Variants in NSUN3 observed in about 807,000 individuals in gnomAD.
The protein encoded by NSUN3 is NOP2/Sun RNA methyltransferase 3.
NSUN3 carries 24 observed loss-of-function variants against 36.8 expected under a neutral mutation model. The observed-to-expected ratio is 0.65, with a 90% CI of 0.47 to 0.92. NSUN3 has a LOEUF of 0.92. NSUN3 is among the 40% of genes least tolerant of loss of function. The probability of loss-of-function intolerance (pLI) is 0.00; values close to 1 mark genes in which losing one functional copy is unlikely to be tolerated. For missense variants in NSUN3, 381 were observed against 392.8 expected (o/e 0.97, Z 0.25); for synonymous variants, 146 against 145.2 (o/e 1.01, Z -0.04).
At chr3:94,110,632 G>C (rs1267595376) in intron 5 of NSUN3, among the ~76,000 whole-genome samples, 1 of 151,688 alleles carries the variant, frequency 6.6e-6, no homozygotes, top group Admixed American at 6.6e-5. Context: ...TCTCTTCCAC[G>C]ATATCATAAA....
intron 2 of NSUN3, chr3:94,076,610 CT>C (rs985549876): frequency 1.1e-6 from 1 of 910,502 alleles, no homozygotes; most frequent in African/African-American, 1.6e-5. Context: ...TAAGTGCCCA[CT>C]GAGATTTGGC....
At chr3:94,113,238 C>A (rs528555221) in intron 5 of NSUN3, among the ~76,000 whole-genome samples, 1 of 152,198 alleles carries the variant, frequency 6.6e-6, no homozygotes, top group South Asian at 2.1e-4. Flanking sequence ...GTTGACATAG[C>A]CCTTACGTAA....
intron 2 of NSUN3, among the ~76,000 whole-genome samples, chr3:94,071,002 A>C (rs992344374): frequency 1.3e-5 from 2 of 152,234 alleles, no homozygotes; most frequent in Non-Finnish European, 2.9e-5. Flanking sequence ...TTTAATTCTC[A>C]TCCACTTATT....
At chr3:94,109,515 G>A (rs906838509) in intron 5 of NSUN3, among the ~76,000 whole-genome samples, 2 of 152,202 alleles carry the variant, frequency 1.3e-5, no homozygotes, top group Non-Finnish European at 2.9e-5. Context: ...GGCTTTAAGT[G>A]AGCAGGGCTG....
rs1350301375 is a variant in NSUN3, at chr3:94,084,357, T to A, written c.373T>A (p.Leu125Met). The A allele has an allele frequency of 7.4e-6, 12 of 1,614,126 alleles. No homozygotes were observed. Among genetic ancestry groups the A allele is most frequent in the Non-Finnish European group, 1.0e-5 (12 of 1,179,972 alleles). ...AAATGCTGCTTCTCTTCTCCCAGTG[T>A]TGGCTCTGGAATTAAGGGATGGGGA... Reference protein sequence around the residue: ...LLNAASLLPVLALELRDGEKV... With the variant: ...LLNAASLLPVMALELRDGEKV... The change falls in exon 3 of 6, where the codon TTG becomes ATG. Residue 125 changes from leucine (L) to methionine (M), a missense_variant. Coordinates refer to ENST00000314622, the MANE Select transcript of NSUN3 (RefSeq NM_022072.5).
chr3:94,066,915 C>T (rs1269742875), intron 2 of NSUN3, among the ~76,000 whole-genome samples: 2 of 152,092 alleles, frequency 1.3e-5, no homozygotes, highest in African/African-American at 4.8e-5. Flanking sequence ...AAAAATGAAC[C>T]TTATATAAAA....
At chr3:94,075,478 C>T (rs757103005) in intron 2 of NSUN3, among the ~76,000 whole-genome samples, 31 of 152,136 alleles carry the variant, frequency 2.0e-4, no homozygotes, top group Non-Finnish European at 1.8e-4. Flanking sequence ...CTTGAATCTT[C>T]CCTATTTCCT....
At chr3:94,079,871 A>T (rs188527941) in intron 2 of NSUN3, among the ~76,000 whole-genome samples, 23 of 152,158 alleles carry the variant, frequency 1.5e-4, no homozygotes, top group African/African-American at 4.8e-4. Flanking sequence ...TTGGGTTAGA[A>T]TATGCTCCTT....
chr3:94,130,737 A>C lies in NSUN3; in HGVS notation c.*4247A>C, dbSNP rs2077506065. On this transcript the variant is annotated 3_prime_UTR_variant, in exon 6 of 6. Coordinates refer to ENST00000314622, the MANE Select transcript of NSUN3 (RefSeq NM_022072.5). ...CAGCTCACAGGCTTTCAGTTTGGCCACAGCTGAATGATTGAGAATTACCAG... is the reference window on the plus strand; with the variant it reads ...CAGCTCACAGGCTTTCAGTTTGGCCCCAGCTGAATGATTGAGAATTACCAG... Among the ~76,000 whole-genome samples, 1 of 152,120 alleles carries C rather than the reference A, an allele frequency of 6.6e-6. No homozygotes were observed. Among genetic ancestry groups the C allele is most frequent in the African/African-American group, 2.4e-5 (1 of 41,422 alleles).
At chr3:94,076,922 A>G (rs1378776448) in intron 2 of NSUN3, 1 of 1,186,690 alleles carries the variant, frequency 8.4e-7, no homozygotes, top group African/African-American at 1.5e-5. Context: ...AGGGAGTTGC[A>G]CACTGGCTAT....
chr3:94,122,751 C>T (rs530642961), intron 5 of NSUN3, among the ~76,000 whole-genome samples: 3 of 152,234 alleles, frequency 2.0e-5, no homozygotes, highest in African/African-American at 7.2e-5. Flanking sequence ...CTTACACGCC[C>T]ACCCTGCCTT....
intron 5 of NSUN3, among the ~76,000 whole-genome samples, chr3:94,104,142 A>G (rs925857611): frequency 2.0e-5 from 3 of 152,188 alleles, no homozygotes; most frequent in Admixed American, 6.5e-5. Context: ...TATCAACTTC[A>G]TAAGGTATGT....
chr3:94,107,484 T>C (rs989786049), intron 5 of NSUN3, among the ~76,000 whole-genome samples: 1 of 149,882 alleles, frequency 6.7e-6, no homozygotes, highest in Non-Finnish European at 1.5e-5. Context: ...CAGGGGTCTC[T>C]CTATGTTACC....
intron 2 of NSUN3, chr3:94,076,105 T>C: frequency 1.4e-6 from 2 of 1,450,010 alleles, no homozygotes; most frequent in Non-Finnish European, 1.9e-6. Context: ...GTGACCCGTC[T>C]TCTGCATCTT....
intron 2 of NSUN3, among the ~76,000 whole-genome samples, chr3:94,073,440 TTCTCCACATCC>T (rs1273806531): frequency 6.6e-6 from 1 of 152,240 alleles, no homozygotes; most frequent in Non-Finnish European, 1.5e-5. Context: ...GTGTTCCTGT[TTCTCCACATCC>T]TCTCCAGCAT....
intron 2 of NSUN3, among the ~76,000 whole-genome samples, chr3:94,079,826 T>C (rs1157548427): frequency 6.6e-6 from 1 of 152,080 alleles, no homozygotes; most frequent in East Asian, 1.9e-4. Context: ...TAGCAATTTG[T>C]CTAAACTTTT....
chr3:94,112,021 C>T (rs1249947549), intron 5 of NSUN3, among the ~76,000 whole-genome samples: 2 of 152,112 alleles, frequency 1.3e-5, no homozygotes, highest in Non-Finnish European at 2.9e-5. Flanking sequence ...GTGCTAGAGC[C>T]TGGAGACCCA....
chr3:94,077,011 C>G (rs1321188512), intron 2 of NSUN3: 2 of 861,948 alleles, frequency 2.3e-6, no homozygotes, highest in Non-Finnish European at 4.0e-6. Context: ...CCCTTCTGGT[C>G]TGGTTACACC....
rs1348284281 is a variant in NSUN3 at position 94,076,369 on chromosome 3, G to A, written c.123-7738G>A. 5.4e-5 allele frequency: 44 copies of A among 810,672 alleles called. 2 individuals are homozygous for A. The highest frequency in any genetic ancestry group is 7.4e-5 in the Non-Finnish European group (33 of 447,150). The allele number at this position is 810,672 out of a possible 1,614,324, so 50.2% of individuals were successfully genotyped here. ...GGCAGTTCACTTCAGCAGTGTGAGCGTCAACTGAGTGGCTTGGTTTGGAAG... is the reference window on the plus strand; with the variant it reads ...GGCAGTTCACTTCAGCAGTGTGAGCATCAACTGAGTGGCTTGGTTTGGAAG... On this transcript the variant is annotated intron_variant, in intron 2 of 5. Coordinates refer to ENST00000314622, the MANE Select transcript of NSUN3 (RefSeq NM_022072.5).
Sources: allele counts gnomAD v4.1 joint callset (sites outside exome capture counted in the v4.1 genomes callset), GRCh38; gene constraint gnomAD v4.1.1; transcripts MANE v1.5; gene names NCBI Gene and HGNC (gene_info 2026-07-23, HGNC 2026-07-21).